Variants in EXOSC7 observed in about 807,000 individuals in gnomAD.
The protein encoded by EXOSC7 is exosome complex component RRP42.
EXOSC7 carries 25 observed loss-of-function variants against 34.3 expected under a neutral mutation model. That is an observed-to-expected ratio of 0.73 (90% confidence interval 0.53 to 1.02). The LOEUF (loss-of-function observed/expected upper bound fraction) is 1.02. Among genes scored for constraint, EXOSC7 ranks in the 50% least tolerant of loss-of-function variants. The probability of loss-of-function intolerance (pLI) is 0.00; values close to 1 mark genes in which losing one functional copy is unlikely to be tolerated. For synonymous variants in EXOSC7, 130 were observed against 143.0 expected, an observed-to-expected ratio of 0.91 and a Z score of 0.65; for missense variants, 370 against 368.5, an observed-to-expected ratio of 1.00 and a Z score of -0.03.
intron 6 of EXOSC7, among the ~76,000 whole-genome samples, chr3:45,006,795 A>AACCCCCCCCCCCC (rs1553700675): frequency 4.0e-5 from 5 of 124,608 alleles, no homozygotes; most frequent in Admixed American, 1.6e-4. Context: ...CTCTGCTGCA[A>AACCCCCCCCCCCC]CCCCCCCACC....
chr3:45,004,771 T>C (rs2125972385), intron 5 of EXOSC7: 1 of 152,220 alleles, frequency 6.6e-6, no homozygotes, highest in South Asian at 2.1e-4. Flanking sequence ...TTTTGTTTAA[T>C]AGGAATTCTT....
intron 3 of EXOSC7, among the ~76,000 whole-genome samples, chr3:44,993,853 A>C (rs541330822): frequency 5.1e-4 from 78 of 152,144 alleles, no homozygotes; most frequent in Non-Finnish European, 9.7e-4. Context: ...GCAGCTTTTT[A>C]TTTAGGGCTT....
chr3:44,988,387 G>A (rs1331545470), intron 1 of EXOSC7, among the ~76,000 whole-genome samples: 1 of 152,098 alleles, frequency 6.6e-6, no homozygotes, highest in Non-Finnish European at 1.5e-5. Context: ...GTAAATAAAT[G>A]GGCAGAAGGA....
intron 3 of EXOSC7, among the ~76,000 whole-genome samples, chr3:44,990,683 C>T (rs1029354670): frequency 6.6e-6 from 1 of 152,224 alleles, no homozygotes; most frequent in Non-Finnish European, 1.5e-5. Context: ...ATTAGAGACT[C>T]AGCACCCAAG....
intron 4 of EXOSC7, among the ~76,000 whole-genome samples, chr3:44,998,470 C>G (rs980332798): frequency 1.3e-5 from 2 of 152,212 alleles, no homozygotes; most frequent in African/African-American, 2.4e-5. Flanking sequence ...GCAACTACAT[C>G]TTCCACTTCA....
At chr3:45,005,442 C>T (rs781375268) in intron 6 of EXOSC7, 28 bp downstream of exon 6, 1 of 1,609,582 alleles carries the variant, frequency 6.2e-7, no homozygotes, top group Non-Finnish European at 8.5e-7. Context: ...TGGTTTTTGT[C>T]TTCCCTGTGG....
At position 44,999,181 on chromosome 3, in the gene EXOSC7, G is replaced by C. The variant is rs113896855; in HGVS notation, c.420+1929G>C. Among the ~76,000 whole-genome samples the C allele has an allele frequency of 2.7e-3, 409 of 152,316 alleles. 2 individuals are homozygous for C. Among genetic ancestry groups the C allele is most frequent in the African/African-American group, 8.8e-3 (365 of 41,558 alleles). ...TATTAGGGAAGGCTTTTACAAAACTGATGACTACTGGGACATTATCTCAGC... is the reference window on the plus strand; with the variant it reads ...TATTAGGGAAGGCTTTTACAAAACTCATGACTACTGGGACATTATCTCAGC... On this transcript the variant is annotated intron_variant, in intron 4 of 7. Transcript: ENST00000265564.
At chr3:45,005,202 C>T in intron 5 of EXOSC7, 89 bp from the exon 6 acceptor site, 1 of 1,452,218 alleles carries the variant, frequency 6.9e-7, no homozygotes, top group Non-Finnish European at 9.6e-7. Context: ...TCTTGTGAGA[C>T]ACAGGGATTC....
intron 6 of EXOSC7, among the ~76,000 whole-genome samples, chr3:45,006,916 G>T (rs549610614): frequency 6.6e-6 from 1 of 151,798 alleles, no homozygotes; most frequent in Admixed American, 6.6e-5. Context: ...GTGGAGACAG[G>T]GTCTTGCCAT....
At chr3:44,985,711 A>G (rs1269536073) in intron 1 of EXOSC7, among the ~76,000 whole-genome samples, 3 of 152,150 alleles carry the variant, frequency 2.0e-5, no homozygotes, top group East Asian at 1.9e-4. Flanking sequence ...AAGCTTCCAC[A>G]GTGTGGAAGG....
intron 7 of EXOSC7, 64 bp downstream of exon 7, chr3:45,007,639 C>A: frequency 6.8e-7 from 1 of 1,474,208 alleles, no homozygotes; most frequent in South Asian, 1.4e-5. Context: ...TTCCTGCTCC[C>A]TTGGTCATAC....
chr3:44,979,668 A>T (rs1319862557), intron 1 of EXOSC7, among the ~76,000 whole-genome samples: 1 of 152,002 alleles, frequency 6.6e-6, no homozygotes, highest in East Asian at 1.9e-4. Context: ...GGTAGAAAAA[A>T]TGTGGTTCCT....
At chr3:45,008,561 C>T (rs1360174339) in intron 7 of EXOSC7, among the ~76,000 whole-genome samples, 1 of 152,196 alleles carries the variant, frequency 6.6e-6, no homozygotes, top group Non-Finnish European at 1.5e-5. Flanking sequence ...CCCTCATCTG[C>T]AAAGTGGGAC....
rs574415900 is a variant in EXOSC7 at position 44,999,850 on chromosome 3, C to G, written c.421-1688C>G. Among the ~76,000 whole-genome samples, 8 of 152,256 alleles carry G rather than the reference C, an allele frequency of 5.3e-5. No individual in the cohort carries two copies. In the East Asian group the frequency reaches 1.5e-3, roughly 29 times the overall value. Reference sequence around the variant, plus strand: ...GAATAGATTGAGTCCATGTTTGAAGCGAGGTGGTGGAAATCTGTGAAGCAA... The same window carrying G: ...GAATAGATTGAGTCCATGTTTGAAGGGAGGTGGTGGAAATCTGTGAAGCAA... On this transcript the variant is annotated intron_variant, in intron 4 of 7. Coordinates refer to ENST00000265564, the MANE Select transcript of EXOSC7 (RefSeq NM_015004.4).
At chr3:44,983,348 T>C (rs995351493) in intron 1 of EXOSC7, among the ~76,000 whole-genome samples, 1 of 152,224 alleles carries the variant, frequency 6.6e-6, no homozygotes, top group Non-Finnish European at 1.5e-5. Flanking sequence ...TCCTATGTGT[T>C]ACACTGAAGG....
intron 7 of EXOSC7, among the ~76,000 whole-genome samples, chr3:45,008,206 C>T (rs1707108617): frequency 6.6e-6 from 1 of 152,234 alleles, no homozygotes; most frequent in Non-Finnish European, 1.5e-5. Context: ...GTCCTGCTCA[C>T]CTGTTTCCCA....
At chr3:44,987,555 CAT>C (rs1225854536) in intron 1 of EXOSC7, among the ~76,000 whole-genome samples, 1 of 152,016 alleles carries the variant, frequency 6.6e-6, no homozygotes, top group Non-Finnish European at 1.5e-5. Flanking sequence ...GCGACAGAGC[CAT>C]AGTCTAAAAA....
intron 5 of EXOSC7, 53 bp from the exon 6 acceptor site, chr3:45,005,235 AAAG>A: frequency 6.2e-7 from 1 of 1,604,494 alleles, no homozygotes. Flanking sequence ...TCAATCTTAA[AAAG>A]AAGTTATTTT....
chr3:45,007,555 A>G lies in EXOSC7; in HGVS notation c.751A>G (p.Ser251Gly), dbSNP rs762803654. 1 of 1,610,214 alleles carries G rather than the reference A, an allele frequency of 6.2e-7. No individual in the cohort carries two copies. Among genetic ancestry groups the G allele is most frequent in the South Asian group, 1.1e-5 (1 of 90,378 alleles). Residue 251 changes from serine to glycine, a missense_variant, in exon 7 of 8, where the codon AGC (serine) becomes GGC (glycine). Ser to Gly is a moderately conservative substitution (Grantham distance 56, BLOSUM62 0). Transcript: ENST00000265564. ...KVGKGSLDPE[S>G]IFEMMETGKR... ...GGGGAAGGGCAGCCTGGACCCAGAG[A>G]GCATCTTCGAGATGATGGAGGTGAG...
Sources: gnomAD v4.1 joint callset for allele counts (sites outside exome capture counted in the v4.1 genomes callset) on GRCh38, gnomAD v4.1.1 for gene constraint, MANE v1.5 for transcripts, NCBI Gene and HGNC (gene_info 2026-07-23, HGNC 2026-07-21) for gene names.